Variants in SLC9B1 observed in about 807,000 individuals in gnomAD.
The protein encoded by SLC9B1 is solute carrier family 9 member B1.
Under a neutral mutation model 51.7 loss-of-function variants are expected in SLC9B1, and 32 were observed. The ratio of observed to expected loss-of-function variants is 0.62; its 90% CI spans 0.47 to 0.83. The LOEUF (loss-of-function observed/expected upper bound fraction) is 0.83. Ranked by LOEUF, SLC9B1 falls within the 40% of genes least tolerant of loss-of-function variation. The probability of loss-of-function intolerance (pLI) is 0.00; values close to 1 mark genes in which losing one functional copy is unlikely to be tolerated. For missense variants in SLC9B1, 406 were observed against 613.2 expected, an observed-to-expected ratio of 0.66 and a Z score of 3.57; for synonymous variants, 145 against 212.7, an observed-to-expected ratio of 0.68 and a Z score of 2.77.
intron 1 of SLC9B1, among the ~76,000 whole-genome samples, chr4:102,995,314 G>A (rs1740157971): frequency 6.6e-6 from 1 of 152,072 alleles, no homozygotes; most frequent in Admixed American, 6.6e-5. Flanking sequence ...AAATAAATGA[G>A]GATCATATTA....
chr4:102,949,507 A>G (rs1225389972), intron 3 of SLC9B1, 80 bp from the exon 4 acceptor site: 42 of 1,107,472 alleles, frequency 3.8e-5, no homozygotes, highest in Non-Finnish European at 5.0e-5. Context: ...CTCTTTTATC[A>G]TATATACTAA....
At chr4:102,975,586 ATTTTTTTTTT>A (rs1197166005) in intron 3 of SLC9B1, among the ~76,000 whole-genome samples, 3 of 62,306 alleles carry the variant, frequency 4.8e-5, no homozygotes, top group South Asian at 7.2e-4. Flanking sequence ...ATATATATAT[ATTTTTTTTTT>A]TTTTTTTTTT....
At chr4:103,017,377 A>C (rs1468964009) in intron 1 of SLC9B1, among the ~76,000 whole-genome samples, 1 of 152,110 alleles carries the variant, frequency 6.6e-6, no homozygotes, top group African/African-American at 2.4e-5. Context: ...CCTCCAACTC[A>C]CTACTGGTTT....
intron 3 of SLC9B1, among the ~76,000 whole-genome samples, chr4:102,972,889 A>T (rs1216088619): frequency 6.6e-6 from 1 of 152,152 alleles, no homozygotes; most frequent in African/African-American, 2.4e-5. Flanking sequence ...ATGAAACGTG[A>T]TTTTAATTTT....
chr4:102,906,511 T>C (rs1423607347), intron 10 of SLC9B1, 25 bp downstream of exon 10: 3 of 1,163,398 alleles, frequency 2.6e-6, no homozygotes, highest in Non-Finnish European at 3.7e-6. Flanking sequence ...GAATTTCATA[T>C]TTTTTGTGCT....
chr4:102,989,617 T>A (rs1265386039), intron 3 of SLC9B1, among the ~76,000 whole-genome samples, 183 bp downstream of exon 3: 2 of 151,990 alleles, frequency 1.3e-5, no homozygotes, highest in African/African-American at 2.4e-5. Flanking sequence ...AATATTTTGT[T>A]TTTGTTTTTA....
chr4:102,994,396 C>A (rs1397757127), intron 1 of SLC9B1, among the ~76,000 whole-genome samples: 1 of 151,096 alleles, frequency 6.6e-6, no homozygotes, highest in African/African-American at 2.4e-5. Context: ...CAAACCACCT[C>A]AGCCTACACT....
chr4:102,901,893 C>T (rs1472721603), intron 11 of SLC9B1, among the ~76,000 whole-genome samples: 1 of 152,180 alleles, frequency 6.6e-6, no homozygotes, highest in Admixed American at 6.6e-5. Flanking sequence ...CTCACACTCT[C>T]TAACCTTCTA....
chr4:102,917,457 CTATA>C (rs1560925654), intron 7 of SLC9B1, among the ~76,000 whole-genome samples: 1 of 151,332 alleles, frequency 6.6e-6, no homozygotes, highest in African/African-American at 2.4e-5. Flanking sequence ...ATATCTATAT[CTATA>C]TCTATATCTA....
intron 11 of SLC9B1, chr4:102,891,153 A>C (rs1734228342): frequency 6.6e-6 from 1 of 151,366 alleles, no homozygotes; most frequent in Non-Finnish European, 1.5e-5. Flanking sequence ...AGTCTAGGTA[A>C]GTCAAGTTCA....
chr4:102,998,448 C>T (rs1182157814), intron 1 of SLC9B1, among the ~76,000 whole-genome samples: 1 of 152,002 alleles, frequency 6.6e-6, no homozygotes, highest in African/African-American at 2.4e-5. Context: ...ACTGATAGAC[C>T]TTTTGGCTAT....
chr4:102,902,663 C>G (rs1357066877), intron 11 of SLC9B1, among the ~76,000 whole-genome samples: 3 of 152,118 alleles, frequency 2.0e-5, no homozygotes, highest in African/African-American at 7.2e-5. Context: ...TTCCATTTAT[C>G]AATTCATTTA....
intron 7 of SLC9B1, among the ~76,000 whole-genome samples, chr4:102,929,437 C>G (rs1365974461): frequency 1.3e-5 from 2 of 152,196 alleles, no homozygotes; most frequent in Non-Finnish European, 2.9e-5. Flanking sequence ...AGAACAAGAG[C>G]CAAGCAAGTA....
At chr4:102,992,917 G>T (rs1321561947) in intron 1 of SLC9B1, among the ~76,000 whole-genome samples, 1 of 152,160 alleles carries the variant, frequency 6.6e-6, no homozygotes, top group Non-Finnish European at 1.5e-5. Flanking sequence ...TGGCAGAAGA[G>T]AGAATGAGTG....
At chr4:102,961,738 G>C (rs1738140660) in intron 3 of SLC9B1, among the ~76,000 whole-genome samples, 2 of 150,864 alleles carry the variant, frequency 1.3e-5, no homozygotes, top group African/African-American at 4.9e-5. Context: ...AAAATTTATT[G>C]TACTTTAAGT....
In SLC9B1 at chr4:102,954,809, C is replaced by T. The variant is rs371853848; in HGVS notation, c.212-5382G>A. ...AAATGTAGGTTAGTCTAAACAAGTA[C>T]TGGTTGTGTAACACATTACTAATGA... On this transcript the variant is annotated intron_variant, in intron 3 of 11. Transcript: ENST00000296422. Among the ~76,000 whole-genome samples the T allele has an allele frequency of 6.6e-5, 10 of 152,196 alleles. No homozygotes were observed. The East Asian group carries it at 1.9e-3, about 29-fold the overall frequency.
intron 7 of SLC9B1, among the ~76,000 whole-genome samples, chr4:102,921,822 AC>A (rs1735893837): frequency 6.6e-6 from 1 of 152,232 alleles, no homozygotes; most frequent in Admixed American, 6.5e-5. Flanking sequence ...GAAGGCCATT[AC>A]ATAATGGTAA....
intron 1 of SLC9B1, among the ~76,000 whole-genome samples, chr4:103,008,510 T>C (rs1740913525): frequency 6.6e-6 from 1 of 150,980 alleles, no homozygotes; most frequent in Non-Finnish European, 1.5e-5. Context: ...GCCTCCCGAG[T>C]AGCTGGGACT....
intron 3 of SLC9B1, among the ~76,000 whole-genome samples, chr4:102,971,321 A>T (rs1182273501): frequency 6.6e-6 from 1 of 152,216 alleles, no homozygotes; most frequent in Non-Finnish European, 1.5e-5. Flanking sequence ...ATTAGAACTC[A>T]GGAATAAGAA....
Sources: allele counts gnomAD v4.1 joint callset (sites outside exome capture counted in the v4.1 genomes callset), GRCh38; gene constraint gnomAD v4.1.1; transcripts MANE v1.5; gene names NCBI Gene and HGNC (gene_info 2026-07-23, HGNC 2026-07-21).